The following DLC1 variants were observed in gnomAD, a reference collection of about 807,000 sequenced individuals.
DLC1 encodes the protein rho GTPase-activating protein 7.
In DLC1, 54 loss-of-function variants were observed where a neutral mutation model predicts 140.3. The observed-to-expected ratio is 0.38, with a 90% CI of 0.31 to 0.48. The LOEUF is 0.48. DLC1 is among the 20% of genes least tolerant of loss of function. The pLI is 0.96. For synonymous variants in DLC1, 986 were observed against 728.1 expected (o/e 1.35, Z -5.70); for missense variants, 2,536 against 1,907.0 (o/e 1.33, Z -6.14).
At chr8:13,232,429 G>A (rs1380573321) in intron 5 of DLC1, among the ~76,000 whole-genome samples, 1 of 152,030 alleles carries the variant, frequency 6.6e-6, no homozygotes, top group East Asian at 1.9e-4. Context: ...TGCCTCCCGG[G>A]TTCAAGCGAT....
intron 4 of DLC1, among the ~76,000 whole-genome samples, chr8:13,358,314 A>C (rs527829566): frequency 4.3e-4 from 66 of 152,286 alleles, no homozygotes; most frequent in African/African-American, 1.6e-3. Context: ...GAAAGCACTA[A>C]ATTGGATGTT....
chr8:13,188,419 C>CAAAAAAAAAAAAAAAA (rs1178090798), intron 5 of DLC1, among the ~76,000 whole-genome samples: 10 of 58,984 alleles, frequency 1.7e-4, no homozygotes, highest in African/African-American at 2.7e-4. Context: ...GACTCCGTCT[C>CAAAAAAAAAAAAAAAA]AAAAAAAAAA....
chr8:13,317,052 C>A (rs888911540), intron 4 of DLC1, among the ~76,000 whole-genome samples: 3 of 152,062 alleles, frequency 2.0e-5, no homozygotes, highest in African/African-American at 7.2e-5. Context: ...TCTTACAAAT[C>A]ATTTATGTAC....
At chr8:13,588,483 C>T (rs1805407837) in intron 1 of DLC1, among the ~76,000 whole-genome samples, 1 of 152,060 alleles carries the variant, frequency 6.6e-6, no homozygotes, top group African/African-American at 2.4e-5. Context: ...TTATCATTGC[C>T]ATGCTCATCC....
chr8:13,297,045 A>G (rs1396033277), intron 5 of DLC1, among the ~76,000 whole-genome samples: 1 of 151,906 alleles, frequency 6.6e-6, no homozygotes, highest in Non-Finnish European at 1.5e-5. Context: ...AATTATCTGT[A>G]TTTTAAAAAT....
intron 5 of DLC1, among the ~76,000 whole-genome samples, chr8:13,164,984 C>T (rs1313282356): frequency 1.3e-5 from 2 of 152,118 alleles, no homozygotes; most frequent in African/African-American, 4.8e-5. Context: ...CCCCGGATAT[C>T]AGTGAAGAAA....
intron 4 of DLC1, among the ~76,000 whole-genome samples, chr8:13,357,925 C>G (rs1056403738): frequency 6.6e-6 from 1 of 151,956 alleles, no homozygotes; most frequent in African/African-American, 2.4e-5. Context: ...TAAATTCTGC[C>G]TATGGTACAG....
chr8:13,490,732 G>A (rs1190393783), intron 2 of DLC1, among the ~76,000 whole-genome samples: 5 of 152,134 alleles, frequency 3.3e-5, no homozygotes, highest in Non-Finnish European at 5.9e-5. Context: ...AATTGGCTCT[G>A]AAGTAACCAT....
chr8:13,310,652 A>G (rs1265846982), intron 4 of DLC1, among the ~76,000 whole-genome samples: 1 of 152,242 alleles, frequency 6.6e-6, no homozygotes, highest in Admixed American at 6.5e-5. Flanking sequence ...TCATTTAAAG[A>G]GTCTTTTGAA....
At position 13,152,507 on chromosome 8, in the gene DLC1, A is replaced by T. The variant is rs188712572; in HGVS notation, c.1349-36850T>A. 2.6e-5 allele frequency among the ~76,000 whole-genome samples: 4 copies of T among 152,322 alleles called. No homozygotes were observed. The East Asian group carries it at 7.7e-4, about 29-fold the overall frequency. On this transcript the variant is annotated intron_variant, in intron 5 of 17. Coordinates refer to ENST00000276297, the MANE Select transcript of DLC1 (RefSeq NM_182643.3). ...GAAGCAGTGGTTTTAATTTCCATGA[A>T]ATATTGAGGCAACCTTTCCGAAGGT...
Position 13,500,214 on chromosome 8 carries a change from A to C in DLC1, c.-125-18T>G. 2.9e-6 allele frequency: 2 copies of C among 701,060 alleles called. No homozygotes were observed. The highest frequency in any genetic ancestry group is 4.6e-6 in the Non-Finnish European group (2 of 438,136). The allele number at this position is 701,060 out of a possible 1,614,324, so 43.4% of individuals were successfully genotyped here. On this transcript the variant is annotated intron_variant, in intron 1 of 17. Coordinates refer to ENST00000276297, the MANE Select transcript of DLC1 (RefSeq NM_182643.3). ...TTCACCACCTATTAAAAAATTCAAA[A>C]AAATATGTAGTCGCAGATACGTTTC...
At chr8:13,161,552 G>C (rs935634888) in intron 5 of DLC1, among the ~76,000 whole-genome samples, 2 of 152,092 alleles carry the variant, frequency 1.3e-5, no homozygotes, top group African/African-American at 4.8e-5. Flanking sequence ...GTTGCCGCTG[G>C]TCTTGAATTC....
chr8:13,326,824 A>G (rs978171366), intron 4 of DLC1, among the ~76,000 whole-genome samples: 2 of 152,236 alleles, frequency 1.3e-5, no homozygotes, highest in South Asian at 2.1e-4. Context: ...TCTAGGAATC[A>G]TATTTTGAGA....
intron 2 of DLC1, among the ~76,000 whole-genome samples, chr8:13,404,805 C>T (rs1257254353): frequency 1.3e-5 from 2 of 151,978 alleles, no homozygotes; most frequent in African/African-American, 4.8e-5. Flanking sequence ...GGAAACCAGC[C>T]TGGCCAACAT....
At chr8:13,133,411 T>G (rs1335543797) in intron 5 of DLC1, 3 of 649,428 alleles carry the variant, frequency 4.6e-6, no homozygotes, top group Non-Finnish European at 3.9e-6. Context: ...CGACGGGCTG[T>G]TCTCCGGCCC....
chr8:13,212,236 C>T (rs1227469266), intron 5 of DLC1, among the ~76,000 whole-genome samples: 3 of 152,178 alleles, frequency 2.0e-5, no homozygotes, highest in African/African-American at 4.8e-5. Flanking sequence ...CAACCAGCCA[C>T]GATGGCCTTC....
In DLC1 at chr8:13,461,950, G is replaced by T. The variant is rs541050435; in HGVS notation, c.1023+37099C>A. 1.1e-4 allele frequency among the ~76,000 whole-genome samples: 17 copies of T among 152,270 alleles called. No homozygotes were observed. In the East Asian group the frequency reaches 2.7e-3, roughly 24 times the overall value. ...AATATTAGTGAGGTATTTATCTCTG[G>T]TCATATCTTGCTCCTCTCACCTCAG... On this transcript the variant is annotated intron_variant, in intron 2 of 17. Coordinates refer to ENST00000276297, the MANE Select transcript of DLC1 (RefSeq NM_182643.3).
intron 5 of DLC1, among the ~76,000 whole-genome samples, chr8:13,174,004 TG>T (rs2116941026): frequency 6.6e-6 from 1 of 152,234 alleles, no homozygotes; most frequent in African/African-American, 2.4e-5. Context: ...TCTCAGCCCT[TG>T]TTTCCCTCCT....
chr8:13,250,528 C>T (rs963561084), intron 5 of DLC1, among the ~76,000 whole-genome samples: 3 of 152,108 alleles, frequency 2.0e-5, no homozygotes, highest in Non-Finnish European at 4.4e-5. Flanking sequence ...CCACATCATC[C>T]CAAACTAGCT....
Sources: gnomAD v4.1 joint callset for allele counts (sites outside exome capture counted in the v4.1 genomes callset) on GRCh38, gnomAD v4.1.1 for gene constraint, MANE v1.5 for transcripts, NCBI Gene and HGNC (gene_info 2026-07-23, HGNC 2026-07-21) for gene names.